Variants in RBFOX3 observed in about 807,000 individuals in gnomAD.
RBFOX3 encodes RNA binding fox-1 homolog 3, also known as RNA binding protein fox-1 homolog 3.
In RBFOX3, 17 loss-of-function variants were observed where a neutral mutation model predicts 48.7. The ratio of observed to expected loss-of-function variants is 0.35; its 90% confidence interval spans 0.24 to 0.52. The LOEUF is 0.52. RBFOX3 is among the 20% of genes least tolerant of loss of function. The pLI is 0.94. For missense variants in RBFOX3, 382 were observed against 497.5 expected (o/e 0.77, Z 2.21); for synonymous variants, 212 against 209.5 (o/e 1.01, Z -0.10).
intron 3 of RBFOX3, among the ~76,000 whole-genome samples, chr17:79,280,844 G>A (rs1468512288): frequency 6.6e-6 from 1 of 151,004 alleles, no homozygotes; most frequent in East Asian, 2.0e-4. Flanking sequence ...CCCATTGTGG[G>A]GGGGGGGAGG....
chr17:79,397,933 C>A (rs895604262), intron 2 of RBFOX3, among the ~76,000 whole-genome samples: 1 of 152,116 alleles, frequency 6.6e-6, no homozygotes, highest in Non-Finnish European at 1.5e-5. Context: ...CGTGAGACGC[C>A]GTCACGAATC....
At chr17:79,545,589 C>T (rs1418977647) in intron 1 of RBFOX3, among the ~76,000 whole-genome samples, 4 of 152,160 alleles carry the variant, frequency 2.6e-5, no homozygotes, top group South Asian at 2.1e-4. Context: ...TCCAGGCAGC[C>T]GATTGGTTCA....
rs950588583 is a variant in RBFOX3, at chr17:79,209,434, T to G, written c.-34+26332A>C. On this transcript the variant is annotated intron_variant, in intron 4 of 14. Transcript: ENST00000693108. ...ACAGAGGCACTCGGGACACACCCAT[T>G]GAACCAAACGGAACTCCCACTTCCA... Among the ~76,000 whole-genome samples, 7 of 152,308 alleles carry G rather than the reference T, an allele frequency of 4.6e-5. No individual in the cohort carries two copies. The Middle Eastern group carries it at 0.014, about 296-fold the overall frequency.
At chr17:79,658,369 CCT>C in the RBFOX3 span, among the ~76,000 whole-genome samples, 7,664 of 113,042 alleles carry the variant, frequency 0.068, 444 homozygotes, top group African/African-American at 0.12. Context: ...TCTCTCCCTC[CCT>C]GTCTCTTCCT....
chr17:79,415,761 G>A (rs1233529877), intron 2 of RBFOX3, among the ~76,000 whole-genome samples: 1 of 152,158 alleles, frequency 6.6e-6, no homozygotes, highest in Non-Finnish European at 1.5e-5. Context: ...TTTCATCTGG[G>A]CCCTGGGGGA....
At position 79,111,329 on chromosome 17, in the gene RBFOX3, A is replaced by C. The variant is rs1212118174; in HGVS notation, c.222+4165T>G. Among the ~76,000 whole-genome samples the C allele has an allele frequency of 6.6e-6, 1 of 151,874 alleles. No individual in the cohort carries two copies. Among genetic ancestry groups the C allele is most frequent in the African/African-American group, 2.4e-5 (1 of 41,340 alleles). On this transcript the variant is annotated intron_variant, in intron 5 of 14. Transcript: ENST00000693108. The surrounding 1 kb of genome is among the most constrained non-coding windows in gnomAD (Gnocchi z 4.2). ...TGGGGTCCCTTCTGGCAGGTGGAGG[A>C]GCCCACGTGGGCTCTGGAAAACACC...
rs1057340768 is a variant in RBFOX3, at chr17:79,195,540, G to C, written c.-34+40226C>G. The stretch of plus-strand genomic sequence containing the variant: ...CCCAAAACACAGACACCCAGCAAAA[G>C]GGTCTGCTCCATTTCAGTCTACGTT... On this transcript the variant is annotated intron_variant, in intron 4 of 14. Transcript: ENST00000693108. This position sits in a 1 kb window ranked among gnomAD's most constrained non-coding sequence, Gnocchi z 5.3. 6.6e-6 allele frequency among the ~76,000 whole-genome samples: 1 copy of C among 152,252 alleles called. No homozygotes were observed. Among genetic ancestry groups the C allele is most frequent in the East Asian group, 1.9e-4 (1 of 5,200 alleles).
intron 2 of RBFOX3, among the ~76,000 whole-genome samples, chr17:79,457,220 T>G (rs1568283668): frequency 6.6e-6 from 1 of 152,154 alleles, no homozygotes; most frequent in African/African-American, 2.4e-5. Flanking sequence ...ATTTCAGGGT[T>G]GATGGTCGGA....
chr17:79,642,301 G>A, the RBFOX3 span, among the ~76,000 whole-genome samples: 2 of 152,110 alleles, frequency 1.3e-5, no homozygotes, highest in Admixed American at 6.6e-5. Context: ...GTACATTATG[G>A]TGACTATAGT....
intron 1 of RBFOX3, among the ~76,000 whole-genome samples, chr17:79,490,720 TAG>T (rs59694667): frequency 5.2e-4 from 75 of 144,200 alleles, no homozygotes; most frequent in Middle Eastern, 3.5e-3. Context: ...GCCTGCAGTG[TAG>T]AGAGAGAGAG....
intron 3 of RBFOX3, among the ~76,000 whole-genome samples, chr17:79,259,108 ACTGT>A (rs1303678294): frequency 3.9e-5 from 6 of 152,266 alleles, no homozygotes; most frequent in Non-Finnish European, 1.5e-5. Context: ...TTCAGGCTAA[ACTGT>A]CTGTAGGGAT....
chr17:79,422,871 G>A (rs1318001606), intron 2 of RBFOX3, among the ~76,000 whole-genome samples: 1 of 152,142 alleles, frequency 6.6e-6, no homozygotes, highest in Non-Finnish European at 1.5e-5. Context: ...GCCCTTACAG[G>A]AAGAGACAGC....
At chr17:79,312,704 T>C (rs1268201559) in intron 2 of RBFOX3, among the ~76,000 whole-genome samples, 1 of 152,096 alleles carries the variant, frequency 6.6e-6, no homozygotes, top group African/African-American at 2.4e-5. Context: ...TTCATGCACA[T>C]AAAAAGACCT....
At position 79,481,766 on chromosome 17, in the gene RBFOX3, T is replaced by C. The variant is rs2078812560; in HGVS notation, c.-175+688A>G. Among the ~76,000 whole-genome samples, 1 of 152,196 alleles carries C rather than the reference T, an allele frequency of 6.6e-6. No homozygotes were observed. Among genetic ancestry groups the C allele is most frequent in the Non-Finnish European group, 1.5e-5 (1 of 68,026 alleles). On this transcript the variant is annotated intron_variant, in intron 2 of 14. Coordinates refer to ENST00000693108, the MANE Select transcript of RBFOX3 (RefSeq NM_001350451.2). The surrounding 1 kb of genome is among the most constrained non-coding windows in gnomAD (Gnocchi z 5.4). ...TACGACTGTCATACAACTGTCATTT[T>C]TAGTGTAGTGCTTTTTTGTTGCTGT...
intron 3 of RBFOX3, among the ~76,000 whole-genome samples, chr17:79,301,659 C>T (rs1478737422): frequency 6.6e-6 from 1 of 152,206 alleles, no homozygotes; most frequent in Non-Finnish European, 1.5e-5. Flanking sequence ...GACCCACCCG[C>T]AGCAGCACTA....
intron 2 of RBFOX3, among the ~76,000 whole-genome samples, chr17:79,373,193 C>T (rs2058787755): frequency 6.6e-6 from 1 of 152,184 alleles, no homozygotes; most frequent in Non-Finnish European, 1.5e-5. Flanking sequence ...GTGGCCCAGG[C>T]CTCAGGTCCA....
chr17:79,152,265 C>T lies in RBFOX3; in HGVS notation c.-33-36517G>A, dbSNP rs1036688719. ...CTAGCACCTGGGGCCTGGCCACCCCCGGGGCGAGACTTCGGGGCACCTCCC... is the reference window on the plus strand; with the variant it reads ...CTAGCACCTGGGGCCTGGCCACCCCTGGGGCGAGACTTCGGGGCACCTCCC... On this transcript the variant is annotated intron_variant, in intron 4 of 14. Coordinates refer to ENST00000693108, the MANE Select transcript of RBFOX3 (RefSeq NM_001350451.2). 5.3e-5 allele frequency among the ~76,000 whole-genome samples: 8 copies of T among 152,220 alleles called. No homozygotes were observed. In the South Asian group the frequency reaches 1.0e-3, roughly 20 times the overall value.
intron 1 of RBFOX3, among the ~76,000 whole-genome samples, chr17:79,572,723 T>TGC (rs1375088473): frequency 6.6e-6 from 1 of 152,170 alleles, no homozygotes; most frequent in African/African-American, 2.4e-5. Context: ...TTTGCAAACG[T>TGC]GCGTGTTTCC....
At position 79,212,193 on chromosome 17, in the gene RBFOX3, T is replaced by C. The variant is rs908874703; in HGVS notation, c.-34+23573A>G. ...GGGAGAAGGGCTGGGGTCTCTGGAC[T>C]CTTCTCCAGGAAAACCTTCAAACTC... On this transcript the variant is annotated intron_variant, in intron 4 of 14. Coordinates refer to ENST00000693108, the MANE Select transcript of RBFOX3 (RefSeq NM_001350451.2). This position sits in a 1 kb window ranked among gnomAD's most constrained non-coding sequence, Gnocchi z 4.7. Among the ~76,000 whole-genome samples, 7 of 152,184 alleles carry C rather than the reference T, an allele frequency of 4.6e-5. No individual in the cohort carries two copies. The highest frequency in any genetic ancestry group is 8.8e-5 in the Non-Finnish European group (6 of 68,032).
Sources: allele counts gnomAD v4.1 joint callset (sites outside exome capture counted in the v4.1 genomes callset), GRCh38; gene constraint gnomAD v4.1.1; non-coding constraint Gnocchi (gnomAD v3.1); transcripts MANE v1.5; gene names NCBI Gene and HGNC (gene_info 2026-07-23, HGNC 2026-07-21).